Variants in CCDC18 observed in about 807,000 individuals in gnomAD.
The protein encoded by CCDC18 is coiled-coil domain-containing protein 18.
In CCDC18, 157 loss-of-function variants were observed where a neutral mutation model predicts 196.0. The ratio of observed to expected loss-of-function variants is 0.80; its 90% CI spans 0.70 to 0.91. CCDC18 has a LOEUF of 0.91. Among genes scored for constraint, CCDC18 ranks in the 40% least tolerant of loss-of-function variants. The probability of loss-of-function intolerance (pLI) is 0.00; values close to 1 mark genes in which losing one functional copy is unlikely to be tolerated. For missense variants in CCDC18, 1,465 were observed against 1,611.6 expected (o/e 0.91, Z 1.56); for synonymous variants, 482 against 529.2 (o/e 0.91, Z 1.22).
In CCDC18 at chr1:93,180,785, C is replaced by G. The variant is rs1649457112; in HGVS notation, c.-70C>G. ...CCGAGTTGTGTCCGAGGCTTCCACG[C>G]GCAGGGGCCCGGGAAAGGGTCAGAG... On this transcript the variant is annotated 5_prime_UTR_variant, in exon 1 of 29. Coordinates refer to ENST00000690025, the MANE Select transcript of CCDC18 (RefSeq NM_001378204.1). The G allele has an allele frequency of 7.3e-7, 1 of 1,367,666 alleles. No individual in the cohort carries two copies. The highest frequency in any genetic ancestry group is 9.8e-7 in the Non-Finnish European group (1 of 1,021,924). 84.7% of individuals were successfully genotyped at this position (1,367,666 alleles called of 1,614,324 possible). A position where few individuals can be genotyped will look rare whatever the true frequency, so the allele number is the denominator to read the frequency against.
Position 93,192,092 on chromosome 1 carries a change from A to C in CCDC18, c.555A>C (p.Gln185His). Residue 185 changes from glutamine to histidine, a missense_variant, in exon 5 of 29, where the codon CAA becomes CAC. Coordinates refer to ENST00000690025, the MANE Select transcript of CCDC18 (RefSeq NM_001378204.1). ...ATTTGGAAGCAGAGGTTTCAGCTCAAGATAAAGTTTTGAGGTAAATATACT... is the reference window on the plus strand; with the variant it reads ...ATTTGGAAGCAGAGGTTTCAGCTCACGATAAAGTTTTGAGGTAAATATACT... ...IINLEAEVSA[Q>H]DKVLREAENK... The C allele has an allele frequency of 6.2e-7, 1 of 1,609,582 alleles. No homozygotes were observed.
rs1557719049 is a variant in CCDC18, at chr1:93,270,373, C to G, written c.3912C>G (p.Ala1304=). 3.2e-6 allele frequency: 5 copies of G among 1,548,796 alleles called. No individual in the cohort carries two copies. Among genetic ancestry groups the G allele is most frequent in the Non-Finnish European group, 4.4e-6 (5 of 1,145,776 alleles). The change falls in exon 28 of 29, where the codon GCC becomes GCG. Residue 1304 remains alanine, a synonymous_variant. Transcript: ENST00000690025. ...AATCAGAATTAACCAGATTACAGGC[C>G]AAAATTTCTGGACATGAAAAGGCAG... The part of the protein sequence containing the change: ...TKESELTRLQ[A]KISGHEKAED...
At chr1:93,273,811 G>A (rs1665485750) in intron 28 of CCDC18, among the ~76,000 whole-genome samples, 1 of 152,232 alleles carries the variant, frequency 6.6e-6, no homozygotes, top group South Asian at 2.1e-4. Context: ...TAAGTACAGT[G>A]ACAGACTGTG....
chr1:93,243,423 A>G, intron 21 of CCDC18, among the ~76,000 whole-genome samples: 1 of 152,076 alleles, frequency 6.6e-6, no homozygotes, highest in African/African-American at 2.4e-5. Context: ...GTGACCCTGG[A>G]TCCCACCCAT....
intron 27 of CCDC18, among the ~76,000 whole-genome samples, 181 bp from the exon 28 acceptor site, chr1:93,270,166 C>A (rs1462585631): frequency 6.6e-6 from 1 of 152,026 alleles, no homozygotes; most frequent in Non-Finnish European, 1.5e-5. Context: ...GTGTAATTTT[C>A]CCAAAGTGAA....
intron 1 of CCDC18, among the ~76,000 whole-genome samples, chr1:93,181,159 T>TAAAAAAA (rs71094239): frequency 0.47 from 42,135 of 89,368 alleles, 12,171 homozygotes; most frequent in East Asian, 0.66. Flanking sequence ...TCTATAAAAT[T>TAAAAAAA]AAAAAAAAAA....
upstream of CCDC18, chr1:93,180,692 C>T (rs747894717): frequency 7.4e-6 from 10 of 1,346,012 alleles, no homozygotes; most frequent in South Asian, 1.2e-5. Flanking sequence ...GGGGCAGTGA[C>T]CGGGTAGGCG....
chr1:93,266,863 G>T (rs1212467196), intron 27 of CCDC18, among the ~76,000 whole-genome samples: 1 of 152,098 alleles, frequency 6.6e-6, no homozygotes, highest in Admixed American at 6.6e-5. Flanking sequence ...TCTACCAGAG[G>T]TACAAAGAGG....
chr1:93,200,877 A>G (rs1653713684), intron 6 of CCDC18, among the ~76,000 whole-genome samples: 1 of 152,182 alleles, frequency 6.6e-6, no homozygotes, highest in South Asian at 2.1e-4. Flanking sequence ...AATACGTGGG[A>G]AGGTTTTTGT....
At chr1:93,232,843 T>G (rs1327880339) in intron 18 of CCDC18, among the ~76,000 whole-genome samples, 2 of 152,192 alleles carry the variant, frequency 1.3e-5, no homozygotes, top group Non-Finnish European at 2.9e-5. Context: ...TTGTGGCACA[T>G]GCCTGTAACC....
rs138388409 is a variant in CCDC18, at chr1:93,221,731, G to A, written c.2085G>A (p.Thr695=). Residue 695 remains threonine (T), a synonymous_variant, in exon 15 of 29, where the codon ACG becomes ACA. Coordinates refer to ENST00000690025, the MANE Select transcript of CCDC18 (RefSeq NM_001378204.1). The part of the protein sequence containing the change: ...HHLESLDRLL[T]ESKGEMKKEN... ...TTGAATCACTAGATAGACTCTTGAC[G>A]GAAAGCAAAGGGGTAAAATCATCCT... 6.8e-5 allele frequency: 109 copies of A among 1,597,148 alleles called. No homozygotes were observed. Among genetic ancestry groups the A allele is most frequent in the African/African-American group, 4.5e-4 (33 of 73,646 alleles).
intron 2 of CCDC18, 42 bp downstream of exon 2, chr1:93,183,537 A>G (rs757539272): frequency 7.2e-7 from 1 of 1,390,180 alleles, no homozygotes; most frequent in Non-Finnish European, 9.7e-7. Context: ...TGTGCCTTAA[A>G]TACATCAATG....
intron 2 of CCDC18, 42 bp from the exon 3 acceptor site, chr1:93,183,936 A>G: frequency 7.7e-7 from 1 of 1,306,042 alleles, no homozygotes; most frequent in Non-Finnish European, 1.0e-6. Context: ...GTAGTGAATA[A>G]ACTATCCAAG....
intron 17 of CCDC18, among the ~76,000 whole-genome samples, chr1:93,229,821 T>C (rs1189071951): frequency 1.3e-5 from 2 of 152,206 alleles, no homozygotes; most frequent in African/African-American, 4.8e-5. Context: ...AAGTTATGTG[T>C]TCATGCAAAA....
At chr1:93,240,030 C>G (rs552255215) in intron 21 of CCDC18, 134 bp downstream of exon 21, 2 of 645,482 alleles carry the variant, frequency 3.1e-6, no homozygotes, top group Non-Finnish European at 2.7e-6. Flanking sequence ...GCCAGCCTAT[C>G]CCATGCCTTA....
In CCDC18 at chr1:93,205,764, T is replaced by G. The variant is rs1046403587; in HGVS notation, c.917+133T>G. 54 of 790,200 alleles carry G rather than the reference T, an allele frequency of 6.8e-5. No homozygotes were observed. The Admixed American group carries it at 1.3e-3, about 18-fold the overall frequency. 48.9% of individuals were successfully genotyped at this position (790,200 alleles called of 1,614,324 possible). ...GAAGGATAGGCTTCATGACTGAAACTGTTTTCTAGCTATAGAGTTAGAATT... is the reference window on the plus strand; with the variant it reads ...GAAGGATAGGCTTCATGACTGAAACGGTTTTCTAGCTATAGAGTTAGAATT... On this transcript the variant is annotated intron_variant, in intron 8 of 28. Coordinates refer to ENST00000690025, the MANE Select transcript of CCDC18 (RefSeq NM_001378204.1).
At chr1:93,250,408 A>G (rs113733141) in intron 23 of CCDC18, among the ~76,000 whole-genome samples, 173 of 151,304 alleles carry the variant, frequency 1.1e-3, no homozygotes, top group African/African-American at 4.0e-3. Context: ...GAAAAGAGAG[A>G]AAAAAAAGAA....
rs868251511 is a variant in CCDC18, at chr1:93,236,385, T to G, written c.2598T>G (p.Thr866=). The G allele has an allele frequency of 6.3e-7, 1 of 1,590,400 alleles. No homozygotes were observed. The highest frequency in any genetic ancestry group is 1.7e-4 in the Middle Eastern group (1 of 5,986). The change falls in exon 19 of 29, where the codon ACT becomes ACG. Residue 866 remains threonine, a synonymous_variant. Coordinates refer to ENST00000690025, the MANE Select transcript of CCDC18 (RefSeq NM_001378204.1). ...KRQKVIELTG[T]ARQVKIEMDQ... ...AAAAAGTGATTGAGCTTACTGGCAC[T>G]GCCAGGTAAAATGTGAATATGTTTT...
chr1:93,210,851 T>C lies in CCDC18; in HGVS notation c.1259T>C (p.Met420Thr). 1.9e-6 allele frequency: 3 copies of C among 1,610,930 alleles called. No individual in the cohort carries two copies. The highest frequency in any genetic ancestry group is 2.5e-6 in the Non-Finnish European group (3 of 1,177,124). ...GFKSYLSKYQMSSFSNKEDRC... is the reference protein window; with the variant it reads ...GFKSYLSKYQTSSFSNKEDRC... ...AAATCATATCTTTCTAAATACCAGATGAGTAGCTTCTCAAACAAGGAAGAC... is the reference window on the plus strand; with the variant it reads ...AAATCATATCTTTCTAAATACCAGACGAGTAGCTTCTCAAACAAGGAAGAC... Residue 420 changes from methionine (M) to threonine (T), a missense_variant, in exon 10 of 29, where the codon ATG becomes ACG. Transcript: ENST00000690025.
Sources: gnomAD v4.1 joint callset for allele counts (sites outside exome capture counted in the v4.1 genomes callset) on GRCh38, gnomAD v4.1.1 for gene constraint, MANE v1.5 for transcripts, NCBI Gene and HGNC (gene_info 2026-07-23, HGNC 2026-07-21) for gene names.